GRAMD2A: variants seen among roughly 807,000 people sequenced by gnomAD.
GRAMD2A encodes GRAM domain-containing protein 2A.
A neutral mutation model predicts 51.1 loss-of-function variants in GRAMD2A; 37 were observed. The observed-to-expected ratio is 0.72, with a 90% confidence interval of 0.56 to 0.95. The LOEUF (loss-of-function observed/expected upper bound fraction) is 0.95, where lower values mean the gene tolerates loss of function less well. Among genes scored for constraint, GRAMD2A ranks in the 40% least tolerant of loss-of-function variants. The pLI is 0.00. For missense variants in GRAMD2A, 414 were observed against 426.9 expected, an observed-to-expected ratio of 0.97 and a Z score of 0.27; for synonymous variants, 136 against 157.1, an observed-to-expected ratio of 0.87 and a Z score of 1.01.
chr15:72,177,165 A>G (rs551608675), intron 1 of GRAMD2A, among the ~76,000 whole-genome samples: 3 of 145,676 alleles, frequency 2.1e-5, no homozygotes, highest in East Asian at 2.2e-4. Flanking sequence ...CTCAGCCTGC[A>G]GTCCTTTAAA....
chr15:72,195,920 C>CA (rs1054077783), intron 1 of GRAMD2A, among the ~76,000 whole-genome samples: 27 of 150,006 alleles, frequency 1.8e-4, no homozygotes, highest in Admixed American at 2.7e-4. Flanking sequence ...AACTCCGTCT[C>CA]AAAAAAAAAG....
intron 1 of GRAMD2A, among the ~76,000 whole-genome samples, chr15:72,189,664 A>G (rs1411673038): frequency 6.6e-6 from 1 of 152,246 alleles, no homozygotes; most frequent in African/African-American, 2.4e-5. Context: ...TCTCAAAGTT[A>G]GAGGCACTGA....
chr15:72,180,228 T>C (rs1301390979), intron 1 of GRAMD2A, among the ~76,000 whole-genome samples: 1 of 152,230 alleles, frequency 6.6e-6, no homozygotes, highest in Non-Finnish European at 1.5e-5. Context: ...GAGCCGGCTC[T>C]GCAGAGAGTG....
At chr15:72,184,554 A>T (rs969539173) in intron 1 of GRAMD2A, among the ~76,000 whole-genome samples, 1 of 152,202 alleles carries the variant, frequency 6.6e-6, no homozygotes, top group African/African-American at 2.4e-5. Context: ...CTGGCTGAGG[A>T]CGCCCGCGTG....
At chr15:72,195,611 G>A (rs1042344856) in intron 1 of GRAMD2A, among the ~76,000 whole-genome samples, 1 of 152,070 alleles carries the variant, frequency 6.6e-6, no homozygotes, top group African/African-American at 2.4e-5. Context: ...CCAAAGCTTT[G>A]GGGCCTTGCT....
chr15:72,187,744 G>A (rs1299533547), intron 1 of GRAMD2A, among the ~76,000 whole-genome samples: 1 of 152,072 alleles, frequency 6.6e-6, no homozygotes, highest in Non-Finnish European at 1.5e-5. Context: ...AAATTCCTGG[G>A]CTCAAGTGAT....
At chr15:72,162,673 C>T in intron 10 of GRAMD2A, 1 of 298,340 alleles carries the variant, frequency 3.4e-6, no homozygotes, top group South Asian at 4.2e-5. Context: ...CTCTCTCTCA[C>T]CAGCCATGGT....
At position 72,160,370 on chromosome 15, in the gene GRAMD2A, A is replaced by C. The variant is rs1464603535; in HGVS notation, c.*1639T>G. 6.6e-6 allele frequency: 1 copy of C among 151,002 alleles called. No homozygotes were observed. The highest frequency in any genetic ancestry group is 2.4e-5 in the African/African-American group (1 of 41,116). 9.4% of individuals were successfully genotyped at this position (151,002 alleles called of 1,614,324 possible). A position where few individuals can be genotyped will look rare whatever the true frequency, so the allele number is the denominator to read the frequency against. ...AAAAAAAAGGATGACCATTCATGGA[A>C]CAGTGAGTTTCACCTGAGACATACA... On this transcript the variant is annotated 3_prime_UTR_variant, in exon 12 of 12. Coordinates refer to ENST00000309731, the MANE Select transcript of GRAMD2A (RefSeq NM_001012642.3).
Position 72,169,862 on chromosome 15 carries a change from T to C in GRAMD2A, c.119A>G (p.Glu40Gly). The C allele has an allele frequency of 6.2e-7, 1 of 1,613,606 alleles. No homozygotes were observed. ...GGGTCCTCACCTGTAGTCCGGGGGC[T>C]CCTCAACTCTGTCTGGTTTCTCTTT... The part of the protein sequence containing the change: ...SCKEKPDRVE[E>G]PPDYSLHWPE... Residue 40 changes from glutamate to glycine, a missense_variant, in exon 2 of 12, where the codon GAG becomes GGG. Transcript: ENST00000309731.
chr15:72,163,283 G>C lies in GRAMD2A; in HGVS notation c.939C>G (p.Leu313=), dbSNP rs1037260650. The C allele has an allele frequency of 6.2e-7, 1 of 1,613,752 alleles. No individual in the cohort carries two copies. Among genetic ancestry groups the C allele is most frequent in the East Asian group, 2.2e-5 (1 of 44,882 alleles). Residue 313 remains leucine (L), a synonymous_variant, in exon 10 of 12, where the codon CTC becomes CTG. Coordinates refer to ENST00000309731, the MANE Select transcript of GRAMD2A (RefSeq NM_001012642.3). ...GELRLWDYRL[L]KVFFVLICFL... is the part of the protein sequence containing the mutation. ...TCACTTACAGCACAAAGAAGACCTT[G>C]AGGAGCCGGTAATCCCAGAGCCTCA...
At position 72,166,337 on chromosome 15, in the gene GRAMD2A, T is replaced by C. The variant is rs899749166; in HGVS notation, c.543+295A>G. On this transcript the variant is annotated intron_variant, in intron 7 of 11. Coordinates refer to ENST00000309731, the MANE Select transcript of GRAMD2A (RefSeq NM_001012642.3). The surrounding 1 kb of genome is among the most constrained non-coding windows in gnomAD (Gnocchi z 4.1). ...GTGATGTGTACCTCTATTAAACACA[T>C]TTTTGACTTACGATATTTTCAACTT... Among the ~76,000 whole-genome samples the C allele has an allele frequency of 3.9e-5, 6 of 152,188 alleles. No individual in the cohort carries two copies. Among genetic ancestry groups the C allele is most frequent in the African/African-American group, 1.2e-4 (5 of 41,452 alleles).
In GRAMD2A at chr15:72,163,599, C is replaced by T. The variant is rs1317805723; in HGVS notation, c.745+14G>A. ...TTGCAAGTAGTTGCCATGGACAAGC[C>T]CTCCCGAACTTACCAGACATTGGAG... On this transcript the variant is annotated intron_variant, in intron 9 of 11. Coordinates refer to ENST00000309731, the MANE Select transcript of GRAMD2A (RefSeq NM_001012642.3). The T allele has an allele frequency of 1.3e-6, 2 of 1,590,544 alleles. No homozygotes were observed. Among genetic ancestry groups the T allele is most frequent in the Non-Finnish European group, 1.7e-6 (2 of 1,170,664 alleles).
intron 1 of GRAMD2A, among the ~76,000 whole-genome samples, chr15:72,185,152 C>G (rs1299284518): frequency 2.6e-5 from 4 of 151,254 alleles, no homozygotes; most frequent in Non-Finnish European, 5.9e-5. Flanking sequence ...GGGAAAATAC[C>G]TATATTCATA....
chr15:72,177,101 A>G (rs2140553191), intron 1 of GRAMD2A, among the ~76,000 whole-genome samples: 1 of 151,552 alleles, frequency 6.6e-6, no homozygotes, highest in South Asian at 2.1e-4. Flanking sequence ...GCCTCAAGCA[A>G]TTCTCCCACC....
chr15:72,196,883 C>T (rs1432875838), intron 1 of GRAMD2A, among the ~76,000 whole-genome samples: 1 of 152,150 alleles, frequency 6.6e-6, no homozygotes, highest in Non-Finnish European at 1.5e-5. Context: ...CTGATTTGGA[C>T]ACAAGGCTCA....
intron 8 of GRAMD2A, among the ~76,000 whole-genome samples, chr15:72,164,680 C>T (rs1011710561): frequency 6.6e-6 from 1 of 151,374 alleles, no homozygotes; most frequent in Non-Finnish European, 1.5e-5. Context: ...GCTGGGATTA[C>T]AGGCGTGAGC....
intron 2 of GRAMD2A, chr15:72,169,419 C>A: frequency 2.0e-6 from 1 of 500,036 alleles, no homozygotes; most frequent in Non-Finnish European, 3.9e-6. Flanking sequence ...AGACTCACAG[C>A]GCCGGGGCCT....
chr15:72,169,859 G>C lies in GRAMD2A; in HGVS notation c.122C>G (p.Pro41Arg). 6 of 1,613,222 alleles carry C rather than the reference G, an allele frequency of 3.7e-6. No homozygotes were observed. The highest frequency in any genetic ancestry group is 5.1e-6 in the Non-Finnish European group (6 of 1,179,190). Residue 41 changes from proline to arginine, a missense_variant, in exon 2 of 12, where the codon CCC becomes CGC. Physicochemically the swap from Pro to Arg is moderately radical, Grantham distance 103 (BLOSUM62 -2). Coordinates refer to ENST00000309731, the MANE Select transcript of GRAMD2A (RefSeq NM_001012642.3). Reference protein sequence around the residue: ...CKEKPDRVEEPPDYSLHWPEG... With the variant: ...CKEKPDRVEERPDYSLHWPEG... ...AAGGGGTCCTCACCTGTAGTCCGGGGGCTCCTCAACTCTGTCTGGTTTCTC... is the reference window on the plus strand; with the variant it reads ...AAGGGGTCCTCACCTGTAGTCCGGGCGCTCCTCAACTCTGTCTGGTTTCTC...
intron 1 of GRAMD2A, among the ~76,000 whole-genome samples, chr15:72,187,069 G>C (rs1330326845): frequency 6.6e-6 from 1 of 151,730 alleles, no homozygotes; most frequent in Non-Finnish European, 1.5e-5. Context: ...ACTGAGGCAG[G>C]AAAATCACTT....
Sources: allele counts gnomAD v4.1 joint callset (sites outside exome capture counted in the v4.1 genomes callset), GRCh38; gene constraint gnomAD v4.1.1; non-coding constraint Gnocchi (gnomAD v3.1); transcripts MANE v1.5; gene names NCBI Gene and HGNC (gene_info 2026-07-23, HGNC 2026-07-21).